LPP: variants seen among roughly 807,000 people sequenced by gnomAD.
The protein encoded by LPP is lipoma-preferred partner.
In LPP, 38 loss-of-function variants were observed where a neutral mutation model predicts 60.4. The ratio of observed to expected loss-of-function variants is 0.63; its 90% CI spans 0.49 to 0.83. The LOEUF is 0.83. Among genes scored for constraint, LPP ranks in the 40% least tolerant of loss-of-function variants. LPP has a pLI of 0.00. For missense variants in LPP, 902 were observed against 783.6 expected (o/e 1.15, Z -1.80); for synonymous variants, 328 against 290.8 (o/e 1.13, Z -1.30).
rs767226025 is a variant in LPP at position 188,874,376 on chromosome 3, G to A, written c.1736G>A (p.Gly579Glu). 1.2e-6 allele frequency: 2 copies of A among 1,614,014 alleles called. No individual in the cohort carries two copies. The highest frequency in any genetic ancestry group is 1.7e-5 in the Admixed American group (1 of 60,002). ...GATTGCGGTGGTCTCCTGTCTGAAG[G>A]AGATAACCAAGGCTGCTACCCCTTG... The part of the protein sequence containing the change: ...CEDCGGLLSE[G>E]DNQGCYPLDG... Residue 579 changes from glycine (G) to glutamate (E), a missense_variant, in exon 12 of 12, where the codon GGA (glycine) becomes GAA (glutamate). By Grantham distance (98) the Gly-to-Glu change is moderately conservative (BLOSUM62 -2). Transcript: ENST00000617246.
intron 2 of LPP, among the ~76,000 whole-genome samples, chr3:188,247,915 C>A (rs1479069298): frequency 1.3e-5 from 2 of 151,996 alleles, no homozygotes; most frequent in African/African-American, 4.8e-5. Context: ...AATATTCTAG[C>A]CTAGTGGTTT....
At chr3:188,309,669 A>C (rs1017012388) in intron 2 of LPP, among the ~76,000 whole-genome samples, 1 of 152,142 alleles carries the variant, frequency 6.6e-6, no homozygotes, top group Non-Finnish European at 1.5e-5. Flanking sequence ...ATAATTCGAT[A>C]AAATAGGTTT....
At chr3:188,490,912 A>G (rs1808172651) in intron 5 of LPP, among the ~76,000 whole-genome samples, 2 of 150,990 alleles carry the variant, frequency 1.3e-5, no homozygotes, top group Admixed American at 1.3e-4. Context: ...CCACCACCAC[A>G]CCTGGCTAAT....
intron 2 of LPP, among the ~76,000 whole-genome samples, chr3:188,232,247 C>T (rs183991163): frequency 8.7e-4 from 132 of 152,286 alleles, no homozygotes; most frequent in African/African-American, 1.4e-3. Flanking sequence ...AAATGAGGAA[C>T]GCACAGCTTT....
intron 9 of LPP, among the ~76,000 whole-genome samples, chr3:188,864,957 A>G (rs572427094): frequency 2.2e-4 from 33 of 152,356 alleles, no homozygotes; most frequent in African/African-American, 7.9e-4. Context: ...TAGGTTAGAC[A>G]TAAGGACACT....
chr3:188,281,326 G>A (rs922174816), intron 2 of LPP, among the ~76,000 whole-genome samples: 2 of 152,052 alleles, frequency 1.3e-5, no homozygotes, highest in East Asian at 1.9e-4. Context: ...GTCAGGCCAG[G>A]CATAGTGGCT....
chr3:188,476,060 C>A (rs1383154040), intron 4 of LPP, among the ~76,000 whole-genome samples: 1 of 152,058 alleles, frequency 6.6e-6, no homozygotes, highest in Non-Finnish European at 1.5e-5. Context: ...TTGCAACTCC[C>A]ACCACCACCC....
chr3:188,746,108 G>T (rs1216170337), intron 8 of LPP, among the ~76,000 whole-genome samples: 2 of 152,018 alleles, frequency 1.3e-5, no homozygotes, highest in African/African-American at 4.8e-5. Flanking sequence ...TGTACCACTT[G>T]CACCAGGCTA....
At chr3:188,299,354 G>A (rs959168547) in intron 2 of LPP, among the ~76,000 whole-genome samples, 25 of 152,276 alleles carry the variant, frequency 1.6e-4, no homozygotes, top group African/African-American at 5.8e-4. Flanking sequence ...CAGCAATACC[G>A]GTGAGTCATT....
chr3:188,333,984 T>A (rs76430526), intron 2 of LPP, among the ~76,000 whole-genome samples: 15 of 152,222 alleles, frequency 9.9e-5, no homozygotes, highest in African/African-American at 3.6e-4. Context: ...TCCTCCTTTG[T>A]ACTTTTGTAT....
chr3:188,681,339 T>C (rs543072459), intron 7 of LPP, among the ~76,000 whole-genome samples: 1 of 152,156 alleles, frequency 6.6e-6, no homozygotes, highest in African/African-American at 2.4e-5. Flanking sequence ...CCAGAAGTCT[T>C]TGTTAGGATG....
chr3:188,467,262 T>G (rs1579127021), intron 4 of LPP, among the ~76,000 whole-genome samples: 1 of 152,056 alleles, frequency 6.6e-6, no homozygotes, highest in Non-Finnish European at 1.5e-5. Flanking sequence ...GAACAATGCA[T>G]TAAAAAATAG....
chr3:188,241,719 CAG>C (rs146612503), intron 2 of LPP, among the ~76,000 whole-genome samples: 2,586 of 152,252 alleles, frequency 0.017, 69 homozygotes, highest in African/African-American at 0.056. Context: ...AAAGAATCTT[CAG>C]AGAGTCGTTG....
At chr3:188,629,132 A>G (rs1847395431) in intron 7 of LPP, among the ~76,000 whole-genome samples, 1 of 152,126 alleles carries the variant, frequency 6.6e-6, no homozygotes, top group Non-Finnish European at 1.5e-5. Context: ...TCTATGTCAA[A>G]CCCTCAGCCT....
intron 6 of LPP, among the ~76,000 whole-genome samples, chr3:188,607,774 T>C (rs1009436965): frequency 7.9e-5 from 12 of 152,306 alleles, no homozygotes; most frequent in Admixed American, 7.8e-4. Context: ...AATTCACCTA[T>C]TTTGAAAATA....
chr3:188,865,165 A>G (rs1766270687), intron 9 of LPP, among the ~76,000 whole-genome samples: 1 of 152,224 alleles, frequency 6.6e-6, no homozygotes, highest in Non-Finnish European at 1.5e-5. Context: ...TTTACATGTG[A>G]AACGTGGTTG....
chr3:188,360,221 C>T (rs1485198384), intron 3 of LPP, among the ~76,000 whole-genome samples: 2 of 152,172 alleles, frequency 1.3e-5, no homozygotes, highest in East Asian at 3.9e-4. Context: ...AGGAATCCCA[C>T]CCTCAGAAGT....
chr3:188,428,705 G>A (rs1790136858), intron 4 of LPP, among the ~76,000 whole-genome samples: 1 of 151,356 alleles, frequency 6.6e-6, no homozygotes, highest in African/African-American at 2.4e-5. Context: ...GGCTTATATT[G>A]AGTATTTCTA....
chr3:188,731,314 T>G (rs1720385684), intron 8 of LPP, among the ~76,000 whole-genome samples: 1 of 152,172 alleles, frequency 6.6e-6, no homozygotes, highest in Non-Finnish European at 1.5e-5. Context: ...CCTTTTTTTT[T>G]GGTGCTGGTA....
Sources: gnomAD v4.1 joint callset for allele counts (sites outside exome capture counted in the v4.1 genomes callset) on GRCh38, gnomAD v4.1.1 for gene constraint, MANE v1.5 for transcripts, NCBI Gene and HGNC (gene_info 2026-07-23, HGNC 2026-07-21) for gene names.